HECTD2: variants seen among roughly 807,000 people sequenced by gnomAD.
HECTD2 encodes HECT domain E3 ubiquitin protein ligase 2.
A neutral mutation model predicts 103.2 loss-of-function variants in HECTD2; 35 were observed. That is an observed-to-expected ratio of 0.34 (90% CI 0.26 to 0.45). The LOEUF is 0.45. Among genes scored for constraint, HECTD2 ranks in the 20% least tolerant of loss-of-function variants. HECTD2 has a pLI of 1.00. For synonymous variants in HECTD2, 281 were observed against 329.9 expected (o/e 0.85, Z 1.61); for missense variants, 596 against 937.4 (o/e 0.64, Z 4.76).
chr10:91,476,784 C>G (rs1197949518), intron 5 of HECTD2, among the ~76,000 whole-genome samples: 5 of 152,210 alleles, frequency 3.3e-5, no homozygotes, highest in African/African-American at 1.2e-4. Context: ...CTGTGGGCAC[C>G]TGCCTGCCCT....
chr10:91,466,153 A>G (rs1324539751), intron 5 of HECTD2, among the ~76,000 whole-genome samples: 1 of 152,122 alleles, frequency 6.6e-6, no homozygotes, highest in African/African-American at 2.4e-5. Flanking sequence ...TCCTTATATT[A>G]ATTTTGGTAG....
chr10:91,426,220 T>G (rs1328292213), intron 2 of HECTD2, among the ~76,000 whole-genome samples: 2 of 152,036 alleles, frequency 1.3e-5, no homozygotes, highest in Non-Finnish European at 1.5e-5. Context: ...TTATTAATGT[T>G]TCTTATGTAA....
chr10:91,509,141 G>A (rs1420006069), intron 20 of HECTD2, among the ~76,000 whole-genome samples: 1 of 117,544 alleles, frequency 8.5e-6, no homozygotes, highest in Non-Finnish European at 1.7e-5. Context: ...GGGGGAGGGG[G>A]GAGGGATAGC....
chr10:91,425,556 T>C (rs1369407573), intron 2 of HECTD2, 146 bp downstream of exon 2: 5 of 507,004 alleles, frequency 9.9e-6, no homozygotes, highest in Non-Finnish European at 1.5e-5. Context: ...AGCAGCAAAA[T>C]CTTTATTTTT....
intron 2 of HECTD2, among the ~76,000 whole-genome samples, chr10:91,427,211 C>T (rs1459853328): frequency 5.9e-5 from 9 of 151,814 alleles, no homozygotes; most frequent in East Asian, 1.9e-4. Flanking sequence ...TAGTATTCCA[C>T]GGTGTATATA....
At chr10:91,491,764 T>C (rs1289733583) in intron 12 of HECTD2, among the ~76,000 whole-genome samples, 1 of 152,228 alleles carries the variant, frequency 6.6e-6, no homozygotes, top group Admixed American at 6.5e-5. Flanking sequence ...TTTTCATGTA[T>C]TATCATAAAA....
intron 11 of HECTD2, chr10:91,488,752 T>G (rs1404549358): frequency 6.6e-6 from 1 of 152,156 alleles, no homozygotes. Context: ...ACAAAAGATT[T>G]GAGTAACTGG....
intron 7 of HECTD2, among the ~76,000 whole-genome samples, 155 bp from the exon 8 acceptor site, chr10:91,482,812 T>A (rs1846141414): frequency 6.6e-6 from 1 of 151,994 alleles, no homozygotes; most frequent in African/African-American, 2.4e-5. Context: ...GCAGTGTAAA[T>A]GAAAGTCTCT....
At chr10:91,452,251 G>A (rs1844865938) in intron 2 of HECTD2, among the ~76,000 whole-genome samples, 1 of 152,022 alleles carries the variant, frequency 6.6e-6, no homozygotes, top group Non-Finnish European at 1.5e-5. Flanking sequence ...TTCTACATTT[G>A]GTGAAAGACA....
At position 91,512,695 on chromosome 10, in the gene HECTD2, T is replaced by G. The variant is rs17106706; in HGVS notation, c.*311T>G. The G allele has an allele frequency of 0.049, 12,749 of 259,540 alleles. 1,031 individuals are homozygous for G. Among genetic ancestry groups the G allele is most frequent in the African/African-American group, 0.21 (9,213 of 44,362 alleles). 16.1% of individuals were successfully genotyped at this position (259,540 alleles called of 1,614,324 possible). On this transcript the variant is annotated 3_prime_UTR_variant, in exon 21 of 21. Coordinates refer to ENST00000298068, the MANE Select transcript of HECTD2 (RefSeq NM_182765.6). ...CAGGCATTCCACTGGGAAAGCAAAG[T>G]ACAGTGAAGAATGAATTTATGGTAT... is the stretch of plus-strand genomic sequence containing the variant.
chr10:91,418,985 G>T (rs1589456720), intron 1 of HECTD2, among the ~76,000 whole-genome samples: 3 of 152,094 alleles, frequency 2.0e-5, no homozygotes, highest in African/African-American at 7.2e-5. Flanking sequence ...AGACTAAAGG[G>T]TGAATTTTAT....
intron 5 of HECTD2, among the ~76,000 whole-genome samples, chr10:91,477,995 C>A (rs1845969390): frequency 6.6e-6 from 1 of 152,126 alleles, no homozygotes; most frequent in Admixed American, 6.5e-5. Context: ...TTGTATGCTA[C>A]ACATACCAGG....
intron 15 of HECTD2, among the ~76,000 whole-genome samples, chr10:91,497,750 G>C (rs570477641): frequency 6.6e-6 from 1 of 152,246 alleles, no homozygotes; most frequent in South Asian, 2.1e-4. Context: ...AACATTAGCA[G>C]ATTTTCATAG....
chr10:91,469,884 C>A (rs2133234325), intron 5 of HECTD2, among the ~76,000 whole-genome samples: 1 of 152,170 alleles, frequency 6.6e-6, no homozygotes, highest in South Asian at 2.1e-4. Context: ...AAAGCTCTAG[C>A]AAGAACAATA....
At chr10:91,468,439 C>T (rs1190799482) in intron 5 of HECTD2, among the ~76,000 whole-genome samples, 1 of 152,176 alleles carries the variant, frequency 6.6e-6, no homozygotes, top group Non-Finnish European at 1.5e-5. Context: ...ACTCCAGAAA[C>T]TGAACGAATG....
At chr10:91,464,366 A>G (rs1183856535) in intron 5 of HECTD2, among the ~76,000 whole-genome samples, 5 of 152,172 alleles carry the variant, frequency 3.3e-5, no homozygotes, top group Admixed American at 6.5e-5. Flanking sequence ...GAAAGCAAGT[A>G]AAAAATATTG....
At chr10:91,483,456 T>C (rs1421668234) in intron 8 of HECTD2, among the ~76,000 whole-genome samples, 1 of 151,956 alleles carries the variant, frequency 6.6e-6, no homozygotes, top group East Asian at 1.9e-4. Flanking sequence ...ATTTCACCAT[T>C]ATTTAAATGG....
intron 2 of HECTD2, among the ~76,000 whole-genome samples, chr10:91,444,443 T>C (rs1346731798): frequency 6.6e-6 from 1 of 152,156 alleles, no homozygotes; most frequent in Non-Finnish European, 1.5e-5. Flanking sequence ...TTATTTTTAG[T>C]TGAAAAGGTA....
At chr10:91,476,897 CG>C (rs1845924284) in intron 5 of HECTD2, among the ~76,000 whole-genome samples, 1 of 151,856 alleles carries the variant, frequency 6.6e-6, no homozygotes, top group South Asian at 2.1e-4. Context: ...CCTGCGGGTC[CG>C]GGCCGGGCGC....
Sources: allele counts gnomAD v4.1 joint callset (sites outside exome capture counted in the v4.1 genomes callset), GRCh38; gene constraint gnomAD v4.1.1; transcripts MANE v1.5; gene names NCBI Gene and HGNC (gene_info 2026-07-23, HGNC 2026-07-21).